The following NRXN3 variants were observed in gnomAD, a reference collection of about 807,000 sequenced individuals.
NRXN3 encodes neurexin 3, also known as neurexin III.
A neutral mutation model predicts 137.6 loss-of-function variants in NRXN3; 32 were observed. That is an observed-to-expected ratio of 0.23 (90% CI 0.18 to 0.31). NRXN3 has a LOEUF of 0.31. NRXN3 is among the 10% of genes least tolerant of loss of function. The pLI is 1.00. For synonymous variants in NRXN3, 798 were observed against 784.5 expected, an observed-to-expected ratio of 1.02 and a Z score of -0.29; for missense variants, 1,574 against 2,062.5, an observed-to-expected ratio of 0.76 and a Z score of 4.59.
At chr14:78,789,847 T>G (rs1010670970) in intron 8 of NRXN3, among the ~76,000 whole-genome samples, 5 of 152,174 alleles carry the variant, frequency 3.3e-5, no homozygotes, top group Non-Finnish European at 7.3e-5. Flanking sequence ...TTAATTCTCA[T>G]CTATACCTTT....
chr14:78,296,376 A>G (rs2076339701), intron 3 of NRXN3, among the ~76,000 whole-genome samples: 1 of 152,072 alleles, frequency 6.6e-6, no homozygotes, highest in African/African-American at 2.4e-5. Context: ...TCACCTACTG[A>G]ATTCATACAC....
chr14:79,864,824 T>TCACTG lies in NRXN3; in HGVS notation c.*2863_*2867dup, dbSNP rs2099417380. 2.6e-5 allele frequency: 4 copies of TCACTG among 152,232 alleles called. No homozygotes were observed. In the South Asian group the frequency reaches 6.2e-4, roughly 24 times the overall value. 9.4% of individuals were successfully genotyped at this position (152,232 alleles called of 1,614,324 possible). Reference sequence around the variant, plus strand: ...TGGAGTGCAGTGGCACGATCTCGGCTCACTGCAAGCTCCGCCTCCCGGGTT... The same window carrying TCACTG: ...TGGAGTGCAGTGGCACGATCTCGGCTCACTGCACTGCAAGCTCCGCCTCCCGGGTT... On this transcript the variant is annotated 3_prime_UTR_variant, in exon 21 of 21. Transcript: ENST00000335750.
chr14:79,095,514 T>G (rs2050148651), intron 15 of NRXN3, among the ~76,000 whole-genome samples: 2 of 152,012 alleles, frequency 1.3e-5, no homozygotes, highest in African/African-American at 4.8e-5. Flanking sequence ...CTTCATACAT[T>G]TATTCATCTC....
At chr14:79,599,950 G>A (rs1303844906) in intron 16 of NRXN3, among the ~76,000 whole-genome samples, 1 of 152,200 alleles carries the variant, frequency 6.6e-6, no homozygotes, top group Non-Finnish European at 1.5e-5. Flanking sequence ...AGCTGAGATT[G>A]CATCACTGCA....
intron 15 of NRXN3, among the ~76,000 whole-genome samples, chr14:79,372,052 A>C (rs2094127156): frequency 6.6e-6 from 1 of 152,168 alleles, no homozygotes; most frequent in African/African-American, 2.4e-5. Flanking sequence ...TGGCCATTTT[A>C]ACAGTGTATA....
At chr14:78,945,780 A>C (rs2099363971) in intron 10 of NRXN3, among the ~76,000 whole-genome samples, 1 of 152,148 alleles carries the variant, frequency 6.6e-6, no homozygotes, top group South Asian at 2.1e-4. Context: ...ATTAATATTC[A>C]TCCTAGTTCT....
chr14:78,338,705 A>G (rs1349948282), intron 4 of NRXN3, among the ~76,000 whole-genome samples: 1 of 152,248 alleles, frequency 6.6e-6, no homozygotes, highest in Admixed American at 6.5e-5. Flanking sequence ...ATTTTTCGTG[A>G]TTCAGTGGGT....
chr14:79,627,456 C>CA (rs1377910720), intron 16 of NRXN3, among the ~76,000 whole-genome samples: 1 of 152,104 alleles, frequency 6.6e-6, no homozygotes, highest in Non-Finnish European at 1.5e-5. Context: ...AGCCACACCC[C>CA]AAAAGAATAA....
intron 15 of NRXN3, among the ~76,000 whole-genome samples, chr14:79,087,049 A>C (rs2048261074): frequency 6.6e-6 from 1 of 152,168 alleles, no homozygotes; most frequent in Admixed American, 6.5e-5. Context: ...TTCTGAGCTA[A>C]GGAACCCAGA....
chr14:78,263,519 G>A (rs1044790082), intron 2 of NRXN3, among the ~76,000 whole-genome samples: 1 of 151,998 alleles, frequency 6.6e-6, no homozygotes, highest in African/African-American at 2.4e-5. Flanking sequence ...ACAGTACGGG[G>A]GTCATATAAT....
chr14:78,954,928 T>C (rs532310812), intron 10 of NRXN3, among the ~76,000 whole-genome samples: 2 of 152,326 alleles, frequency 1.3e-5, no homozygotes, highest in South Asian at 4.1e-4. Flanking sequence ...TTAGCATCAC[T>C]GGACTGAGAG....
intron 15 of NRXN3, among the ~76,000 whole-genome samples, chr14:79,190,689 C>T (rs1349361542): frequency 1.3e-5 from 2 of 152,024 alleles, no homozygotes; most frequent in Admixed American, 1.3e-4. Context: ...CTGAAAAAAG[C>T]AAATTATTCT....
At chr14:78,497,288 A>T (rs995756422) in intron 4 of NRXN3, among the ~76,000 whole-genome samples, 3 of 152,184 alleles carry the variant, frequency 2.0e-5, no homozygotes, top group Non-Finnish European at 4.4e-5. Flanking sequence ...TATAGCCACA[A>T]ACATAATTGG....
chr14:79,693,680 A>G (rs1304126236), intron 18 of NRXN3, among the ~76,000 whole-genome samples: 1 of 151,194 alleles, frequency 6.6e-6, no homozygotes, highest in East Asian at 2.0e-4. Flanking sequence ...ACCATTATAA[A>G]GTTATTAGTA....
chr14:79,769,666 A>C (rs2099069873), intron 19 of NRXN3, among the ~76,000 whole-genome samples: 1 of 152,228 alleles, frequency 6.6e-6, no homozygotes, highest in Admixed American at 6.5e-5. Flanking sequence ...CCGCTGCAAA[A>C]TCATGCCAAA....
At chr14:79,487,799 G>A (rs2096671551) in intron 16 of NRXN3, among the ~76,000 whole-genome samples, 2 of 152,138 alleles carry the variant, frequency 1.3e-5, no homozygotes, top group African/African-American at 4.8e-5. Context: ...ATCAGGGAGT[G>A]TTATTAAATG....
chr14:79,851,890 T>C (rs2141736589), intron 20 of NRXN3, among the ~76,000 whole-genome samples: 1 of 152,254 alleles, frequency 6.6e-6, no homozygotes, highest in African/African-American at 2.4e-5. Context: ...GCACTTCCAA[T>C]AAACTTTATT....
At chr14:78,975,684 C>T (rs1396184546) in intron 14 of NRXN3, among the ~76,000 whole-genome samples, 1 of 152,154 alleles carries the variant, frequency 6.6e-6, no homozygotes, top group Non-Finnish European at 1.5e-5. Context: ...CCCCCAGTGC[C>T]TGTTACTTGA....
intron 15 of NRXN3, among the ~76,000 whole-genome samples, chr14:79,374,895 T>C (rs1304145858): frequency 6.6e-6 from 1 of 152,226 alleles, no homozygotes; most frequent in African/African-American, 2.4e-5. Flanking sequence ...ACCATTCATA[T>C]TGGCTCAGAA....
Sources: allele counts gnomAD v4.1 joint callset (sites outside exome capture counted in the v4.1 genomes callset), GRCh38; gene constraint gnomAD v4.1.1; transcripts MANE v1.5; gene names NCBI Gene and HGNC (gene_info 2026-07-23, HGNC 2026-07-21).